The following SLC30A8 variants were observed in gnomAD, a reference collection of about 807,000 sequenced individuals.
SLC30A8 encodes proton-coupled zinc antiporter SLC30A8.
Under a neutral mutation model 36.9 loss-of-function variants are expected in SLC30A8, and 27 were observed. The ratio of observed to expected loss-of-function variants is 0.73; its 90% confidence interval spans 0.54 to 1.01. The LOEUF (loss-of-function observed/expected upper bound fraction) is 1.01. Ranked by LOEUF, SLC30A8 falls within the 50% of genes least tolerant of loss-of-function variation. The pLI is 0.00. For synonymous variants in SLC30A8, 164 were observed against 172.4 expected (o/e 0.95, Z 0.38); for missense variants, 439 against 452.0 (o/e 0.97, Z 0.26).
intron 2 of SLC30A8, among the ~76,000 whole-genome samples, chr8:117,060,572 C>T (rs937954858): frequency 6.6e-6 from 1 of 152,164 alleles, no homozygotes; most frequent in African/African-American, 2.4e-5. Context: ...GCTAGCTTAT[C>T]AGTGTTCCAG....
intron 1 of SLC30A8, among the ~76,000 whole-genome samples, chr8:117,001,621 G>A (rs192274423): frequency 2.0e-5 from 3 of 152,218 alleles, no homozygotes; most frequent in Admixed American, 6.5e-5. Flanking sequence ...TTTTTTTCAC[G>A]TGAACATTTA....
intron 1 of SLC30A8, among the ~76,000 whole-genome samples, chr8:117,009,886 C>T (rs1816292977): frequency 6.6e-6 from 1 of 152,152 alleles, no homozygotes; most frequent in Admixed American, 6.5e-5. Flanking sequence ...GGAAATTGCT[C>T]ATTTTTAAAA....
chr8:117,091,955 A>G (rs568766011), intron 2 of SLC30A8, among the ~76,000 whole-genome samples: 2 of 152,244 alleles, frequency 1.3e-5, no homozygotes, highest in Admixed American at 1.3e-4. Flanking sequence ...GTTCAAATAA[A>G]CATAAAAGAC....
chr8:117,091,759 T>A (rs929591872), intron 2 of SLC30A8, among the ~76,000 whole-genome samples: 1 of 152,194 alleles, frequency 6.6e-6, no homozygotes, highest in Non-Finnish European at 1.5e-5. Flanking sequence ...GCTTACCTTA[T>A]AAGCCACAAT....
intron 2 of SLC30A8, among the ~76,000 whole-genome samples, chr8:117,127,072 C>A (rs1226344685): frequency 6.6e-6 from 1 of 152,014 alleles, no homozygotes; most frequent in Non-Finnish European, 1.5e-5. Context: ...CACCATACTG[C>A]TTTCTAGAAG....
In SLC30A8 at chr8:116,974,777, A is replaced by G. The variant is rs148107012; in HGVS notation, c.-266+23658A>G. Among the ~76,000 whole-genome samples, 668 of 152,274 alleles carry G rather than the reference A, an allele frequency of 4.4e-3. 11 individuals carry two copies. In the East Asian group the frequency reaches 0.063, roughly 14 times the overall value. On this transcript the variant is annotated intron_variant, in intron 1 of 10. Transcript: ENST00000427715. ...GCACTATTCACAATAACAGAGACGT[A>G]GAACCAACCCAAATGTCCATCAATG...
intron 1 of SLC30A8, among the ~76,000 whole-genome samples, chr8:117,138,967 C>G (rs1352770831): frequency 1.3e-5 from 2 of 151,966 alleles, no homozygotes. Context: ...TAGGGTATTT[C>G]AAGCATAGGG....
chr8:117,083,179 CAT>C (rs1818731778), intron 2 of SLC30A8, among the ~76,000 whole-genome samples: 1 of 152,110 alleles, frequency 6.6e-6, no homozygotes. Flanking sequence ...CAAAAAATGG[CAT>C]ATGTCACTCC....
At chr8:117,163,561 T>A in intron 6 of SLC30A8, 31 bp downstream of exon 6, 1 of 1,506,062 alleles carries the variant, frequency 6.6e-7, no homozygotes, top group South Asian at 1.2e-5. Flanking sequence ...ACTCCCAGAG[T>A]CAGTGTTTTC....
intron 1 of SLC30A8, among the ~76,000 whole-genome samples, chr8:116,998,325 T>G (rs887028302): frequency 6.6e-6 from 1 of 152,190 alleles, no homozygotes; most frequent in Non-Finnish European, 1.5e-5. Context: ...GAAATTTGGC[T>G]TCTTCAAGAA....
chr8:117,064,686 G>A (rs1818116100), intron 2 of SLC30A8, among the ~76,000 whole-genome samples: 1 of 152,152 alleles, frequency 6.6e-6, no homozygotes, highest in Admixed American at 6.6e-5. Flanking sequence ...AGTGATCAGG[G>A]GACCCAGAGG....
At chr8:117,105,337 C>T (rs1258184841) in intron 2 of SLC30A8, among the ~76,000 whole-genome samples, 1 of 151,996 alleles carries the variant, frequency 6.6e-6, no homozygotes, top group Non-Finnish European at 1.5e-5. Context: ...TCCAAAGCTA[C>T]TTCCATATTT....
At chr8:117,032,744 G>A (rs1266424440) in intron 1 of SLC30A8, among the ~76,000 whole-genome samples, 1 of 152,094 alleles carries the variant, frequency 6.6e-6, no homozygotes, top group East Asian at 1.9e-4. Flanking sequence ...ACAAAAATTA[G>A]CCGGGTGTGG....
chr8:117,062,101 C>G (rs933293198), intron 2 of SLC30A8, among the ~76,000 whole-genome samples: 2 of 152,134 alleles, frequency 1.3e-5, no homozygotes, highest in Non-Finnish European at 2.9e-5. Context: ...AAGAAGTGGA[C>G]TTTCCACACA....
chr8:116,971,637 A>G (rs1447601310), intron 1 of SLC30A8, among the ~76,000 whole-genome samples: 1 of 152,164 alleles, frequency 6.6e-6, no homozygotes, highest in Non-Finnish European at 1.5e-5. Context: ...CAAAGAATCA[A>G]ATTCAGAAAG....
intron 1 of SLC30A8, among the ~76,000 whole-genome samples, chr8:117,138,032 G>A (rs980271391): frequency 2.1e-5 from 3 of 140,428 alleles, no homozygotes; most frequent in Non-Finnish European, 4.6e-5. Context: ...TCATTGGTGG[G>A]ATTCTCTGGG....
At chr8:117,003,488 G>A (rs1206474476) in intron 1 of SLC30A8, among the ~76,000 whole-genome samples, 2 of 152,204 alleles carry the variant, frequency 1.3e-5, no homozygotes, top group African/African-American at 4.8e-5. Context: ...TACCTATCAT[G>A]ATTGTTATTA....
chr8:117,093,234 C>T (rs538661549), intron 2 of SLC30A8, among the ~76,000 whole-genome samples: 113 of 152,020 alleles, frequency 7.4e-4, no homozygotes, highest in African/African-American at 2.4e-3. Context: ...TGTGACTCCT[C>T]TTAGACCATG....
chr8:116,956,638 T>G (rs1814214976), intron 1 of SLC30A8, among the ~76,000 whole-genome samples: 1 of 152,302 alleles, frequency 6.6e-6, no homozygotes, highest in Non-Finnish European at 1.5e-5. Flanking sequence ...CATAAAAAAA[T>G]CAATTGGATA....
Sources: gnomAD v4.1 joint callset for allele counts (sites outside exome capture counted in the v4.1 genomes callset) on GRCh38, gnomAD v4.1.1 for gene constraint, MANE v1.5 for transcripts, NCBI Gene and HGNC (gene_info 2026-07-23, HGNC 2026-07-21) for gene names.